DPP6: variants seen among roughly 807,000 people sequenced by gnomAD.
DPP6 encodes A-type potassium channel modulatory protein DPP6.
In DPP6, 69 loss-of-function variants were observed where a neutral mutation model predicts 122.6. The ratio of observed to expected loss-of-function variants is 0.56; its 90% CI spans 0.46 to 0.69. DPP6 has a LOEUF of 0.69. Among genes scored for constraint, DPP6 ranks in the 30% least tolerant of loss-of-function variants. The pLI, the probability that DPP6 is intolerant of heterozygous loss-of-function variation, is 0.00. For synonymous variants in DPP6, 418 were observed against 433.1 expected (o/e 0.97, Z 0.43); for missense variants, 928 against 1,116.9 (o/e 0.83, Z 2.41).
chr7:154,757,459 C>A (rs1403404952), intron 8 of DPP6, among the ~76,000 whole-genome samples: 1 of 152,230 alleles, frequency 6.6e-6, no homozygotes, highest in African/African-American at 2.4e-5. Flanking sequence ...AATGCAGAAC[C>A]AAGATGGGAT....
chr7:153,929,199 T>C (rs1465988729), intron 1 of DPP6, among the ~76,000 whole-genome samples: 1 of 152,096 alleles, frequency 6.6e-6, no homozygotes, highest in Non-Finnish European at 1.5e-5. Context: ...GCTGTTTCTC[T>C]AATTCAGCCA....
At chr7:154,614,768 G>T (rs1178326298) in intron 5 of DPP6, among the ~76,000 whole-genome samples, 1 of 152,214 alleles carries the variant, frequency 6.6e-6, no homozygotes, top group Non-Finnish European at 1.5e-5. Context: ...ATAAACGGAA[G>T]AAGGGAGAAG....
At chr7:154,105,811 G>A (rs1334439546) in intron 1 of DPP6, among the ~76,000 whole-genome samples, 1 of 152,034 alleles carries the variant, frequency 6.6e-6, no homozygotes, top group Non-Finnish European at 1.5e-5. Flanking sequence ...CAGCCATGTG[G>A]AACTGTGAGT....
rs532231765 is a variant in DPP6 at position 154,269,052 on chromosome 7, T to G, written c.244-177162T>G. On this transcript the variant is annotated intron_variant, in intron 1 of 25. Transcript: ENST00000377770. ...TCTGAGTAAGTCTCCTAAGTATATG[T>G]TTTTTTTTCAATCTGTAATATCAGG... Among the ~76,000 whole-genome samples the G allele has an allele frequency of 3.3e-5, 5 of 149,388 alleles. No individual in the cohort carries two copies. In the East Asian group the frequency reaches 7.9e-4, roughly 23 times the overall value.
chr7:153,754,590 G>C, the DPP6 span, among the ~76,000 whole-genome samples: 1 of 152,126 alleles, frequency 6.6e-6, no homozygotes, highest in South Asian at 2.1e-4. Flanking sequence ...CACCATCTTT[G>C]GGAATTTGGT....
chr7:154,139,683 A>G (rs1795747990), intron 1 of DPP6, among the ~76,000 whole-genome samples: 1 of 151,690 alleles, frequency 6.6e-6, no homozygotes, highest in Admixed American at 6.6e-5. Context: ...TCATAGCCTA[A>G]GAAGTCCGGT....
At chr7:154,822,821 C>G (rs1346068564) in intron 16 of DPP6, among the ~76,000 whole-genome samples, 1 of 152,202 alleles carries the variant, frequency 6.6e-6, no homozygotes, top group Admixed American at 6.5e-5. Context: ...ACGTTTCACT[C>G]CTGCCATTGA....
At chr7:154,249,936 A>G (rs112009151) in intron 1 of DPP6, among the ~76,000 whole-genome samples, 5,953 of 152,280 alleles carry the variant, frequency 0.039, 193 homozygotes, top group East Asian at 0.14. Context: ...TGAAATCCAC[A>G]GGCAGACAGC....
intron 3 of DPP6, among the ~76,000 whole-genome samples, chr7:154,527,883 A>G (rs974523712): frequency 2.2e-4 from 34 of 152,182 alleles, no homozygotes; most frequent in African/African-American, 7.5e-4. Flanking sequence ...GCAAAAGTAA[A>G]CAACATATAA....
At chr7:154,810,707 A>G (rs73730368) in intron 16 of DPP6, among the ~76,000 whole-genome samples, 3,095 of 152,084 alleles carry the variant, frequency 0.02, 101 homozygotes, top group African/African-American at 0.071. Context: ...CACACACATG[A>G]CTGACCCGGA....
chr7:153,812,934 T>A, the DPP6 span, among the ~76,000 whole-genome samples: 4 of 152,132 alleles, frequency 2.6e-5, no homozygotes, highest in African/African-American at 7.2e-5. Flanking sequence ...TTTACATGCA[T>A]CACTAGATTT....
intron 2 of DPP6, among the ~76,000 whole-genome samples, chr7:154,452,168 T>A (rs539617616): frequency 6.6e-6 from 1 of 152,230 alleles, no homozygotes; most frequent in Admixed American, 6.5e-5. Context: ...CCAGACAGAA[T>A]GTGGAAAGAG....
intron 1 of DPP6, among the ~76,000 whole-genome samples, chr7:154,318,640 A>C (rs1231292591): frequency 6.6e-6 from 1 of 152,232 alleles, no homozygotes; most frequent in African/African-American, 2.4e-5. Context: ...ACCAGAAATC[A>C]CTGAAAGAGG....
intron 1 of DPP6, among the ~76,000 whole-genome samples, chr7:153,951,724 C>A (rs1395608070): frequency 6.6e-6 from 1 of 152,152 alleles, no homozygotes; most frequent in Non-Finnish European, 1.5e-5. Flanking sequence ...TTTCTTCCCC[C>A]ACTCCTTGCC....
chr7:154,300,559 A>G (rs1383994760), intron 1 of DPP6, among the ~76,000 whole-genome samples: 2 of 152,170 alleles, frequency 1.3e-5, no homozygotes, highest in African/African-American at 2.4e-5. Context: ...GACGTCTTAA[A>G]CTTGTTTGGA....
chr7:154,871,094 C>T (rs1227613041), intron 18 of DPP6, among the ~76,000 whole-genome samples: 1 of 152,198 alleles, frequency 6.6e-6, no homozygotes, highest in Non-Finnish European at 1.5e-5. Context: ...CAGACTGTCA[C>T]CCTGGCAAGA....
At chr7:154,074,134 T>TG (rs1803371430) in intron 1 of DPP6, among the ~76,000 whole-genome samples, 1 of 21,872 alleles carries the variant, frequency 4.6e-5, no homozygotes, top group African/African-American at 2.1e-4. Flanking sequence ...TATCTATATA[T>TG]ATCTCTCTAT....
intron 1 of DPP6, among the ~76,000 whole-genome samples, chr7:154,076,907 T>G (rs1379188949): frequency 6.6e-6 from 1 of 151,776 alleles, no homozygotes; most frequent in Non-Finnish European, 1.5e-5. Flanking sequence ...AGAAGTTGTA[T>G]GATAAGATCC....
In DPP6 at chr7:154,403,526, C is replaced by A. The variant is rs1815821170; in HGVS notation, c.244-42688C>A. Among the ~76,000 whole-genome samples, 2 of 152,242 alleles carry A rather than the reference C, an allele frequency of 1.3e-5. No individual in the cohort carries two copies. The highest frequency in any genetic ancestry group is 2.9e-5 in the Non-Finnish European group (2 of 68,048). The stretch of plus-strand genomic sequence containing the variant: ...CTCTCCTGGAGCCTCTCATCTCCAC[C>A]TGCTGCGGAAGCTCCTGTGCATCCA... On this transcript the variant is annotated intron_variant, in intron 1 of 25. Coordinates refer to ENST00000377770, the MANE Select transcript of DPP6 (RefSeq NM_130797.4). The surrounding 1 kb of genome is among the most constrained non-coding windows in gnomAD (Gnocchi z 4.1).
Sources: gnomAD v4.1 joint callset for allele counts (sites outside exome capture counted in the v4.1 genomes callset) on GRCh38, gnomAD v4.1.1 for gene constraint, Gnocchi (gnomAD v3.1) non-coding constraint, MANE v1.5 for transcripts, NCBI Gene and HGNC (gene_info 2026-07-23, HGNC 2026-07-21) for gene names.